The following STRBP variants were observed in gnomAD, a reference collection of about 807,000 sequenced individuals.
The protein encoded by STRBP is spermatid perinuclear RNA-binding protein.
In STRBP, 13 loss-of-function variants were observed where a neutral mutation model predicts 80.1. The observed-to-expected ratio is 0.16, with a 90% CI of 0.11 to 0.26. STRBP has a LOEUF of 0.26. Ranked by LOEUF, STRBP falls within the 10% of genes least tolerant of loss-of-function variation. STRBP has a pLI of 1.00. For missense variants in STRBP, 485 were observed against 815.2 expected (o/e 0.59, Z 4.93); for synonymous variants, 284 against 291.2 (o/e 0.98, Z 0.25).
At chr9:123,161,378 A>G (rs2037516007) in intron 6 of STRBP, among the ~76,000 whole-genome samples, 1 of 152,240 alleles carries the variant, frequency 6.6e-6, no homozygotes, top group African/African-American at 2.4e-5. Context: ...ATAACATTAC[A>G]GGGCACAAAA....
chr9:123,223,434 T>C (rs988688225), intron 2 of STRBP, among the ~76,000 whole-genome samples: 2 of 152,116 alleles, frequency 1.3e-5, no homozygotes, highest in South Asian at 4.1e-4. Flanking sequence ...TAAAAATAGG[T>C]GGAATTATGA....
chr9:123,246,226 G>A (rs569866749), intron 1 of STRBP, among the ~76,000 whole-genome samples: 4 of 152,126 alleles, frequency 2.6e-5, no homozygotes, highest in Non-Finnish European at 5.9e-5. Flanking sequence ...GAAACATTTC[G>A]AATGAAGTAT....
chr9:123,128,306 C>A (rs757849733), intron 17 of STRBP, 48 bp from the exon 18 acceptor site: 2 of 1,609,358 alleles, frequency 1.2e-6, no homozygotes, highest in South Asian at 1.1e-5. Flanking sequence ...CCAGGGCAAT[C>A]ATCACTGGCC....
At chr9:123,145,767 G>C (rs1273481139) in intron 13 of STRBP, among the ~76,000 whole-genome samples, 1 of 152,088 alleles carries the variant, frequency 6.6e-6, no homozygotes, top group Non-Finnish European at 1.5e-5. Flanking sequence ...TCCCCTCATT[G>C]TTGGTTTTCT....
chr9:123,121,664 T>C lies in STRBP; in HGVS notation c.*3933A>G, dbSNP rs2035738301. 2 of 152,112 alleles carry C rather than the reference T, an allele frequency of 1.3e-5. No homozygotes were observed. The highest frequency in any genetic ancestry group is 4.8e-5 in the African/African-American group (2 of 41,482). The allele number at this position is 152,112 out of a possible 1,614,324, so 9.4% of individuals were successfully genotyped here. On this transcript the variant is annotated 3_prime_UTR_variant, in exon 19 of 19. Transcript: ENST00000348403. ...ATTGCTTTTTTCTATGGCTTCTTGC[T>C]GTTGTTGTATTAGGGCATACAACAC...
intron 2 of STRBP, chr9:123,116,232 A>G: frequency 5.4e-6 from 2 of 371,750 alleles, no homozygotes; most frequent in South Asian, 4.0e-5. Flanking sequence ...GTTAGAGCAC[A>G]TGTTTGAAGG....
chr9:123,262,544 A>T (rs1390582207), intron 1 of STRBP, among the ~76,000 whole-genome samples: 1 of 152,252 alleles, frequency 6.6e-6, no homozygotes, highest in Non-Finnish European at 1.5e-5. Flanking sequence ...AGTGGAAATG[A>T]ACCATGAAGT....
intron 3 of STRBP, among the ~76,000 whole-genome samples, chr9:123,181,438 C>T (rs1319909280): frequency 1.3e-5 from 2 of 152,106 alleles, no homozygotes; most frequent in African/African-American, 4.8e-5. Flanking sequence ...TACAGACTGC[C>T]AATGTTAAAT....
intron 2 of STRBP, among the ~76,000 whole-genome samples, chr9:123,197,012 A>C (rs1002935383): frequency 1.3e-5 from 2 of 152,256 alleles, no homozygotes; most frequent in African/African-American, 2.4e-5. Flanking sequence ...ACGAATGAAT[A>C]AAGTAAATAT....
At chr9:123,179,589 G>A (rs1291104627) in intron 3 of STRBP, among the ~76,000 whole-genome samples, 2 of 151,836 alleles carry the variant, frequency 1.3e-5, no homozygotes, top group Admixed American at 1.3e-4. Context: ...CAGCCTGGCC[G>A]ACATGGTAAA....
chr9:123,157,501 C>A (rs1021244533), intron 11 of STRBP, among the ~76,000 whole-genome samples: 4 of 152,102 alleles, frequency 2.6e-5, no homozygotes, highest in African/African-American at 9.7e-5. Flanking sequence ...TGTATTGGTC[C>A]ATTCTATTTA....
intron 17 of STRBP, 75 bp downstream of exon 17, chr9:123,132,770 A>T (rs2036191610): frequency 1.3e-6 from 2 of 1,578,470 alleles, no homozygotes; most frequent in African/African-American, 1.4e-5. Context: ...GTACAACCTT[A>T]GAAAATGCAG....
intron 2 of STRBP, among the ~76,000 whole-genome samples, chr9:123,203,983 A>G (rs1307973024): frequency 7.6e-6 from 1 of 130,980 alleles, no homozygotes; most frequent in Non-Finnish European, 1.5e-5. Context: ...AAAAAACAAA[A>G]AAACAAAACA....
In STRBP at chr9:123,122,837, C is replaced by T. The variant is rs754078496; in HGVS notation, c.*2760G>A. 47 of 985,788 alleles carry T rather than the reference C, an allele frequency of 4.8e-5. No homozygotes were observed. Among genetic ancestry groups the T allele is most frequent in the Non-Finnish European group, 5.7e-5 (47 of 830,370 alleles). The allele number at this position is 985,788 out of a possible 1,614,324, so 61.1% of individuals were successfully genotyped here. ...AACTGTCAGAACATAGCACAGCTCA[C>T]ACGCTAATTTTAAGCTCTACACTGA... On this transcript the variant is annotated 3_prime_UTR_variant, in exon 19 of 19. Transcript: ENST00000348403.
chr9:123,261,332 T>C (rs2041157332), intron 1 of STRBP, among the ~76,000 whole-genome samples: 2 of 152,204 alleles, frequency 1.3e-5, no homozygotes, highest in Non-Finnish European at 2.9e-5. Flanking sequence ...TCAATCTTCC[T>C]TGCCAAATTC....
Position 123,184,255 on chromosome 9 carries a change from C to A in STRBP, c.-121G>T, listed in dbSNP as rs2038608541. 2.2e-6 allele frequency: 2 copies of A among 896,330 alleles called. No individual in the cohort carries two copies. The highest frequency in any genetic ancestry group is 3.3e-5 in the African/African-American group (2 of 60,016). 55.5% of individuals were successfully genotyped at this position (896,330 alleles called of 1,614,324 possible). On this transcript the variant is annotated 5_prime_UTR_variant, in exon 3 of 19. Transcript: ENST00000348403. ...AAGCCTGAGTCCCCTGACAGCTCAG[C>A]GTCAATATAGCAAATGTCTGAAGGC... is the stretch of plus-strand genomic sequence containing the variant.
At chr9:123,155,325 AAC>A (rs1179446666) in intron 11 of STRBP, among the ~76,000 whole-genome samples, 3 of 152,220 alleles carry the variant, frequency 2.0e-5, no homozygotes, top group African/African-American at 7.2e-5. Flanking sequence ...ATTGCCCAGC[AAC>A]ACAAACAGCC....
At chr9:123,133,004 TAAG>T (rs778915350) in intron 16 of STRBP, 36 bp from the exon 17 acceptor site, 8 of 1,605,784 alleles carry the variant, frequency 5.0e-6, no homozygotes, top group Non-Finnish European at 6.8e-6. Context: ...CTGAAAGAAA[TAAG>T]AACCATTTTA....
At chr9:123,202,253 C>T (rs2039353931) in intron 2 of STRBP, among the ~76,000 whole-genome samples, 1 of 152,130 alleles carries the variant, frequency 6.6e-6, no homozygotes, top group Admixed American at 6.5e-5. Flanking sequence ...TCATTCTCTT[C>T]CTCATGTTGT....
Sources: allele counts gnomAD v4.1 joint callset (sites outside exome capture counted in the v4.1 genomes callset), GRCh38; gene constraint gnomAD v4.1.1; transcripts MANE v1.5; gene names NCBI Gene and HGNC (gene_info 2026-07-23, HGNC 2026-07-21).